ATP10A: variants seen among roughly 807,000 people sequenced by gnomAD.
ATP10A encodes ATPase phospholipid transporting 10A (putative).
Under a neutral mutation model 147.8 loss-of-function variants are expected in ATP10A, and 111 were observed. The ratio of observed to expected loss-of-function variants is 0.75; its 90% CI spans 0.64 to 0.88. The LOEUF (loss-of-function observed/expected upper bound fraction) is 0.88, where lower values mean the gene tolerates loss of function less well. Ranked by LOEUF, ATP10A falls within the 40% of genes least tolerant of loss-of-function variation. ATP10A has a pLI of 0.00. For synonymous variants in ATP10A, 875 were observed against 841.6 expected (o/e 1.04, Z -0.69); for missense variants, 1,927 against 1,959.0 (o/e 0.98, Z 0.31).
intron 2 of ATP10A, among the ~76,000 whole-genome samples, chr15:25,757,028 T>C (rs1412136751): frequency 6.6e-6 from 1 of 152,212 alleles, no homozygotes; most frequent in Non-Finnish European, 1.5e-5. Context: ...AAATGAATTC[T>C]TCATAGTTCA....
intron 15 of ATP10A, 69 bp downstream of exon 15, chr15:25,691,646 C>A: frequency 6.5e-7 from 1 of 1,531,870 alleles, no homozygotes; most frequent in Middle Eastern, 1.7e-4. Context: ...CGGGGACAGC[C>A]CACAGGGTGA....
At chr15:25,757,926 G>C (rs868318204) in intron 2 of ATP10A, among the ~76,000 whole-genome samples, 24 of 12,952 alleles carry the variant, frequency 1.9e-3, no homozygotes, top group African/African-American at 4.2e-3. Flanking sequence ...AACTCATTCC[G>C]ACCACCTGCT....
At chr15:25,800,088 T>C (rs1890865829) in intron 1 of ATP10A, among the ~76,000 whole-genome samples, 1 of 152,104 alleles carries the variant, frequency 6.6e-6, no homozygotes, top group Non-Finnish European at 1.5e-5. Context: ...GGAGAGGAGC[T>C]CACATCAAGT....
downstream of ATP10A, chr15:25,678,414 C>T (rs1299183225): frequency 6.6e-6 from 1 of 152,050 alleles, no homozygotes; most frequent in East Asian, 1.9e-4. Context: ...GATGACATGC[C>T]ATATCATTGC....
chr15:25,771,980 G>C (rs898454193), intron 2 of ATP10A, among the ~76,000 whole-genome samples: 4 of 152,070 alleles, frequency 2.6e-5, no homozygotes, highest in Non-Finnish European at 5.9e-5. Context: ...TTGAACTCCT[G>C]ATCTCAGGTG....
chr15:25,788,120 A>G lies in ATP10A; in HGVS notation c.450-6897T>C, dbSNP rs145886838. Among the ~76,000 whole-genome samples, 959 of 152,268 alleles carry G rather than the reference A, an allele frequency of 6.3e-3. 16 individuals carry two copies. The highest frequency in any genetic ancestry group is 0.03 in the East Asian group (154 of 5,178). On this transcript the variant is annotated intron_variant, in intron 1 of 20. Transcript: ENST00000555815. ...GGGGCCCCAGCCTGGCCACCTGACA[A>G]GTTCCTTCTGCACAAAGCCGCCACA...
At chr15:25,815,845 AT>A (rs765408101) in intron 1 of ATP10A, among the ~76,000 whole-genome samples, 133 of 152,228 alleles carry the variant, frequency 8.7e-4, no homozygotes, top group Non-Finnish European at 1.4e-3. Context: ...TTTTTGCTTT[AT>A]ATAGAGTATC....
In ATP10A at chr15:25,727,252, C is replaced by T; in HGVS notation, c.755G>A (p.Gly252Glu). Residue 252 changes from glycine to glutamate, a missense_variant, in exon 4 of 21, where the codon GGG (glycine) becomes GAG (glutamate). Gly to Glu is a moderately conservative substitution (Grantham distance 98). Transcript: ENST00000555815. ...TTCTTTATACAGCCCGGCCTTTTTC[C>T]CGTTGTCATGTATGCTGTAGAGGGA... ...RFRGCIIHDN[G>E]KKAGLYKENL... 1 of 1,613,934 alleles carries T rather than the reference C, an allele frequency of 6.2e-7. No homozygotes were observed. The highest frequency in any genetic ancestry group is 8.5e-7 in the Non-Finnish European group (1 of 1,179,916).
At chr15:25,786,998 T>C (rs970825318) in intron 1 of ATP10A, among the ~76,000 whole-genome samples, 2 of 151,962 alleles carry the variant, frequency 1.3e-5, no homozygotes, top group African/African-American at 4.8e-5. Flanking sequence ...GATATCCTAT[T>C]ATGACCCAGG....
At position 25,752,109 on chromosome 15, in the gene ATP10A, C is replaced by T. The variant is rs1219681978; in HGVS notation, c.655-15968G>A. On this transcript the variant is annotated intron_variant, in intron 2 of 20. Coordinates refer to ENST00000555815, the MANE Select transcript of ATP10A (RefSeq NM_024490.4). ...TGTTATGGAAAACTGTATGGAGGTT[C>T]CCCCAAAACTAAAAATAGAATTACC... 2.0e-5 allele frequency among the ~76,000 whole-genome samples: 3 copies of T among 152,090 alleles called. No individual in the cohort carries two copies. In the East Asian group the frequency reaches 5.8e-4, roughly 29 times the overall value.
chr15:25,820,733 T>C (rs1891845034), intron 1 of ATP10A, among the ~76,000 whole-genome samples: 1 of 152,154 alleles, frequency 6.6e-6, no homozygotes, highest in African/African-American at 2.4e-5. Flanking sequence ...GAAAATTTAT[T>C]ATATGAAGGG....
intron 3 of ATP10A, among the ~76,000 whole-genome samples, chr15:25,735,003 CGGGGG>C (rs774115891): frequency 7.6e-6 from 1 of 131,980 alleles, no homozygotes. Context: ...GTGGTGGGAG[CGGGGG>C]GGGGGTGGGG....
chr15:25,828,106 C>G (rs994502095), intron 1 of ATP10A, among the ~76,000 whole-genome samples: 4 of 152,032 alleles, frequency 2.6e-5, no homozygotes, highest in African/African-American at 9.7e-5. Flanking sequence ...AAGGCCATAA[C>G]AATTATAAGC....
chr15:25,802,558 A>G (rs1279280820), intron 1 of ATP10A, among the ~76,000 whole-genome samples: 1 of 152,182 alleles, frequency 6.6e-6, no homozygotes, highest in Admixed American at 6.5e-5. Flanking sequence ...GGGCCCACTC[A>G]GCTAAGGTGT....
At chr15:25,757,815 ATCACC>A in intron 2 of ATP10A, among the ~76,000 whole-genome samples, 1 of 149,696 alleles carries the variant, frequency 6.7e-6, no homozygotes, top group Non-Finnish European at 1.5e-5. Context: ...ACCTTTTTTG[ATCACC>A]TGCTCCACCC....
rs1891334762 is a variant in ATP10A at position 25,809,416 on chromosome 15, C to A, written c.450-28193G>T. The stretch of plus-strand genomic sequence containing the variant: ...TAAGGAATAAATTTTATTTTAAAAT[C>A]ACAGAGAAGGAAAAAATCAAATGGA... On this transcript the variant is annotated intron_variant, in intron 1 of 20. Transcript: ENST00000555815. Among the ~76,000 whole-genome samples, 9 of 152,236 alleles carry A rather than the reference C, an allele frequency of 5.9e-5. 1 individual carries two copies. The highest frequency in any genetic ancestry group is 5.9e-4 in the Admixed American group (9 of 15,294).
chr15:25,728,098 A>T (rs1220214322), intron 3 of ATP10A, among the ~76,000 whole-genome samples: 1 of 152,126 alleles, frequency 6.6e-6, no homozygotes, highest in African/African-American at 2.4e-5. Context: ...GCCTTCCGAG[A>T]GGCTACCTTT....
rs773971236 is a variant in ATP10A at position 25,781,172 on chromosome 15, G to A, written c.501C>T (p.Asp167=). The A allele has an allele frequency of 1.7e-5, 27 of 1,614,200 alleles. No individual in the cohort carries two copies. Among genetic ancestry groups the A allele is most frequent in the Non-Finnish European group, 2.2e-5 (26 of 1,180,040 alleles). The change falls in exon 2 of 21, where the codon GAC becomes GAT. Residue 167 remains aspartate, a synonymous_variant. Transcript: ENST00000555815. ...NRFWKEIHVG[D]FVRLRCNEIF... is the part of the protein sequence containing the mutation. ...TTTCGTTGCAGCGAAGACGCACAAA[G>A]TCTCCCACGTGGATTTCTTTCCAGA...
intron 1 of ATP10A, among the ~76,000 whole-genome samples, chr15:25,785,524 G>C (rs538792508): frequency 2.6e-5 from 4 of 152,310 alleles, no homozygotes; most frequent in East Asian, 3.9e-4. Context: ...GTCCATTCTC[G>C]TGACTCTGGC....
Sources: allele counts gnomAD v4.1 joint callset (sites outside exome capture counted in the v4.1 genomes callset), GRCh38; gene constraint gnomAD v4.1.1; transcripts MANE v1.5; gene names NCBI Gene and HGNC (gene_info 2026-07-23, HGNC 2026-07-21).